Variants in HIF3A observed in about 807,000 individuals in gnomAD.
HIF3A encodes hypoxia-inducible factor 3-alpha.
HIF3A carries 41 observed loss-of-function variants against 67.2 expected under a neutral mutation model. The ratio of observed to expected loss-of-function variants is 0.61; its 90% CI spans 0.48 to 0.79. HIF3A has a LOEUF of 0.79. HIF3A is among the 30% of genes least tolerant of loss of function. The probability of loss-of-function intolerance (pLI) is 0.00; values close to 1 mark genes in which losing one functional copy is unlikely to be tolerated. For synonymous variants in HIF3A, 356 were observed against 374.8 expected, an observed-to-expected ratio of 0.95 and a Z score of 0.58; for missense variants, 855 against 898.0, an observed-to-expected ratio of 0.95 and a Z score of 0.61.
chr19:46,313,806 C>T lies in HIF3A; in HGVS notation c.1025+1153C>T, dbSNP rs147521915. 1.3e-3 allele frequency among the ~76,000 whole-genome samples: 195 copies of T among 151,152 alleles called. 1 individual carries two copies. The highest frequency in any genetic ancestry group is 4.5e-3 in the African/African-American group (185 of 41,062). On this transcript the variant is annotated intron_variant, in intron 8 of 14. Coordinates refer to ENST00000377670, the MANE Select transcript of HIF3A (RefSeq NM_152795.4). The stretch of plus-strand genomic sequence containing the variant: ...TCAGCCTCCCGACTAGCTGGGATTA[C>T]ACGCAACAACACGCCCAGCTAATTT...
At chr19:46,338,391 C>A in intron 14 of HIF3A, 1 of 389,998 alleles carries the variant, frequency 2.6e-6, no homozygotes, top group Non-Finnish European at 4.9e-6. Context: ...TTTGTAGAGA[C>A]GAGGTTTCAC....
chr19:46,336,549 G>A (rs186481850), intron 14 of HIF3A, among the ~76,000 whole-genome samples: 6 of 151,146 alleles, frequency 4.0e-5, no homozygotes, highest in East Asian at 2.0e-4. Context: ...GTTTGTGTGC[G>A]TGTGTGTGTG....
At chr19:46,331,573 C>T (rs1233561121) in intron 13 of HIF3A, 1 of 173,548 alleles carries the variant, frequency 5.8e-6, no homozygotes, top group Non-Finnish European at 1.2e-5. Flanking sequence ...GGCAGTAAGT[C>T]AGCTGGGCGC....
intron 9 of HIF3A, 141 bp downstream of exon 9, chr19:46,320,702 A>G: frequency 1.6e-6 from 1 of 633,780 alleles, no homozygotes; most frequent in Non-Finnish European, 2.8e-6. Flanking sequence ...TCCAAAACAC[A>G]CAGCCTCCTA....
intron 3 of HIF3A, among the ~76,000 whole-genome samples, chr19:46,307,688 C>G (rs1340817206): frequency 6.7e-6 from 1 of 149,272 alleles, no homozygotes; most frequent in Non-Finnish European, 1.5e-5. Flanking sequence ...GTGGAGGTTG[C>G]AGTGAGCTGA....
intron 9 of HIF3A, 148 bp downstream of exon 9, chr19:46,320,709 C>T (rs1970298617): frequency 1.6e-6 from 1 of 625,090 alleles, no homozygotes. Flanking sequence ...CACACAGCCT[C>T]CTAAGAGCCC....
chr19:46,312,432 T>C (rs749009842), intron 7 of HIF3A, 74 bp from the exon 8 acceptor site: 22 of 1,599,642 alleles, frequency 1.4e-5, no homozygotes, highest in Middle Eastern at 1.7e-4. Context: ...TGCCCCCTCA[T>C]ACCCAGTCCC....
rs750446236 is a variant in HIF3A, at chr19:46,309,286, G to A, written c.697G>A (p.Glu233Lys). The A allele has an allele frequency of 2.5e-6, 4 of 1,613,522 alleles. No individual in the cohort carries two copies. The highest frequency in any genetic ancestry group is 1.7e-5 in the Admixed American group (1 of 59,940). ...AGCCATCCCCCACCCAGGCAGCCTG[G>A]AGCCCCCACTGGGCCGAGGGGCCTT... ...CEAIPHPGSL[E>K]PPLGRGAFLS... Residue 233 changes from glutamate (E) to lysine (K), a missense_variant, in exon 6 of 15, where the codon GAG becomes AAG. By Grantham distance (56) the Glu-to-Lys change is moderately conservative. This residue lies in a region of HIF3A where 638 missense variants were observed against 660.5 expected (regional missense o/e 0.97). Transcript: ENST00000377670.
At chr19:46,298,223 C>CCTGTCCCCTA in intron 1 of HIF3A, 1 of 354,080 alleles carries the variant, frequency 2.8e-6, no homozygotes, top group Non-Finnish European at 5.5e-6. Flanking sequence ...CATCCTCTCC[C>CCTGTCCCCTA]CTGTCCCCTA....
chr19:46,331,263 C>T lies in HIF3A; in HGVS notation c.1820C>T (p.Pro607Leu). The change falls in exon 13 of 15, where the codon CCT (proline) becomes CTT (leucine). Residue 607 changes from proline (P) to leucine (L), a missense_variant. Transcript: ENST00000377670. ...GAACACGAAAACTTTCTGCTCTTTC[C>T]TCTCAGCCTGGTGTGTTGGGGGATT... ...SPEHENFLLF[P>L]LSLSFLLTGG... 6.2e-7 allele frequency: 1 copy of T among 1,613,176 alleles called. No homozygotes were observed. The highest frequency in any genetic ancestry group is 8.5e-7 in the Non-Finnish European group (1 of 1,179,260).
At chr19:46,327,179 A>C (rs955467588) in intron 11 of HIF3A, among the ~76,000 whole-genome samples, 3 of 151,772 alleles carry the variant, frequency 2.0e-5, no homozygotes, top group Non-Finnish European at 4.4e-5. Flanking sequence ...TATATATAAA[A>C]ATAGAGACAG....
intron 14 of HIF3A, among the ~76,000 whole-genome samples, chr19:46,335,714 C>A (rs1387278309): frequency 6.6e-6 from 1 of 151,178 alleles, no homozygotes; most frequent in Non-Finnish European, 1.5e-5. Context: ...CCAGTCTGGG[C>A]AACACAGCGA....
intron 10 of HIF3A, 86 bp from the exon 11 acceptor site, chr19:46,325,449 C>T (rs939599033): frequency 1.1e-6 from 1 of 936,700 alleles, no homozygotes; most frequent in Non-Finnish European, 1.7e-6. Context: ...TTGATCCCCA[C>T]TTCTACCCTT....
In HIF3A at chr19:46,312,257, C is replaced by G; in HGVS notation, c.867C>G (p.Ser289Arg). The G allele has an allele frequency of 6.2e-7, 1 of 1,613,972 alleles. No individual in the cohort carries two copies. Among genetic ancestry groups the G allele is most frequent in the Non-Finnish European group, 8.5e-7 (1 of 1,179,956 alleles). Residue 289 changes from serine to arginine, a missense_variant, in exon 7 of 15, where the codon AGC becomes AGG. This residue lies in a region of HIF3A where 638 missense variants were observed against 660.5 expected (regional missense o/e 0.97). Coordinates refer to ENST00000377670, the MANE Select transcript of HIF3A (RefSeq NM_152795.4). ...HALDSDAVSK[S>R]IHTLLSKGQA... ...TGGACTCCGATGCGGTCAGCAAGAG[C>G]ATCCACACCTGTATGTATCCCATTT...
intron 1 of HIF3A, among the ~76,000 whole-genome samples, chr19:46,302,192 C>T (rs62135343): frequency 2.6e-5 from 4 of 151,954 alleles, no homozygotes; most frequent in Non-Finnish European, 4.4e-5. Context: ...TATAGTGGCG[C>T]GATCTTGGCT....
intron 6 of HIF3A, 35 bp from the exon 7 acceptor site, chr19:46,312,126 C>T (rs1346381624): frequency 6.7e-7 from 1 of 1,499,212 alleles, no homozygotes; most frequent in African/African-American, 1.4e-5. Flanking sequence ...CACCCAGTAG[C>T]ATCCTGACCA....
At chr19:46,308,415 G>T in intron 4 of HIF3A, 110 bp downstream of exon 4, 1 of 754,220 alleles carries the variant, frequency 1.3e-6, no homozygotes. Flanking sequence ...AAGACAAGTA[G>T]GAAGAGGAGA....
chr19:46,304,149 A>G lies in HIF3A; in HGVS notation c.217+61A>G, dbSNP rs937325389. On this transcript the variant is annotated intron_variant, in intron 2 of 14. Coordinates refer to ENST00000377670, the MANE Select transcript of HIF3A (RefSeq NM_152795.4). ...GGCCCCGCCCACGGAAAAAAACTAC[A>G]TCCCAGGGAGGCCCCTCCTCCGGGA... The G allele has an allele frequency of 4.2e-5, 59 of 1,417,256 alleles. 1 individual carries two copies. Among genetic ancestry groups the G allele is most frequent in the Non-Finnish European group, 5.2e-5 (54 of 1,043,948 alleles). The allele number at this position is 1,417,256 out of a possible 1,614,324, so 87.8% of individuals were successfully genotyped here. A position where few individuals can be genotyped will look rare whatever the true frequency, so the allele number is the denominator to read the frequency against.
At chr19:46,299,990 G>A (rs918048231) in intron 1 of HIF3A, among the ~76,000 whole-genome samples, 10 of 152,132 alleles carry the variant, frequency 6.6e-5, no homozygotes, top group African/African-American at 2.4e-4. Context: ...GAACATGGTC[G>A]GATTCACTGA....
Sources: allele counts gnomAD v4.1 joint callset (sites outside exome capture counted in the v4.1 genomes callset), GRCh38; gene constraint gnomAD v4.1.1; regional missense constraint gnomAD v4.1.1; transcripts MANE v1.5; gene names NCBI Gene and HGNC (gene_info 2026-07-23, HGNC 2026-07-21).